Variants in GSE1 observed in about 807,000 individuals in gnomAD.
The protein encoded by GSE1 is genetic suppressor element 1.
GSE1 carries 32 observed loss-of-function variants against 112.6 expected under a neutral mutation model. That is an observed-to-expected ratio of 0.28 (90% confidence interval 0.21 to 0.38). GSE1 has a LOEUF of 0.38. Among genes scored for constraint, GSE1 ranks in the 10% least tolerant of loss-of-function variants. The pLI, the probability that GSE1 is intolerant of heterozygous loss-of-function variation, is 1.00. For missense variants in GSE1, 2,348 were observed against 1,699.2 expected (o/e 1.38, Z -6.71); for synonymous variants, 1,115 against 735.6 (o/e 1.52, Z -8.35).
At chr16:85,415,120 T>A (rs2048673967) in intron 2 of GSE1, among the ~76,000 whole-genome samples, 1 of 152,174 alleles carries the variant, frequency 6.6e-6, no homozygotes, top group South Asian at 2.1e-4. Context: ...TTGTATTTTC[T>A]GTAGAGACAG....
At chr16:85,640,586 G>GC (rs2050359924) in intron 2 of GSE1, among the ~76,000 whole-genome samples, 1 of 152,208 alleles carries the variant, frequency 6.6e-6, no homozygotes, top group Non-Finnish European at 1.5e-5. Flanking sequence ...ACCTGAGTGA[G>GC]TGGGGACTAC....
At chr16:85,299,408 C>T (rs1597330299) in intron 1 of GSE1, among the ~76,000 whole-genome samples, 3 of 152,320 alleles carry the variant, frequency 2.0e-5, no homozygotes, top group African/African-American at 2.4e-5. Context: ...CTCCAACCCC[C>T]CTGCCAGCCT....
intron 2 of GSE1, among the ~76,000 whole-genome samples, chr16:85,543,156 G>A (rs2044580583): frequency 6.7e-6 from 1 of 150,036 alleles, no homozygotes; most frequent in African/African-American, 2.5e-5. Flanking sequence ...AGCTTACAGT[G>A]AGCCGAGATT....
chr16:85,536,543 C>G (rs1205900124), intron 2 of GSE1, among the ~76,000 whole-genome samples: 1 of 152,192 alleles, frequency 6.6e-6, no homozygotes, highest in Admixed American at 6.5e-5. Flanking sequence ...TCACGGATAA[C>G]GGAGGGCTGG....
chr16:85,534,781 C>T (rs899684902), intron 2 of GSE1, among the ~76,000 whole-genome samples: 5 of 152,168 alleles, frequency 3.3e-5, no homozygotes, highest in Admixed American at 2.0e-4. Context: ...AGTCACACAG[C>T]GTTGCTCCCC....
chr16:85,638,870 C>T (rs1195280544), intron 2 of GSE1, among the ~76,000 whole-genome samples: 10 of 152,114 alleles, frequency 6.6e-5, no homozygotes, highest in African/African-American at 1.9e-4. Context: ...GGCTTCCCCC[C>T]GTCAATGGCT....
intron 1 of GSE1, among the ~76,000 whole-genome samples, chr16:85,331,365 G>GTATATATATGTA (rs1169859492): frequency 2.0e-5 from 2 of 101,132 alleles, no homozygotes; most frequent in Admixed American, 1.1e-4. Context: ...GTGTGTGTGT[G>GTATATATATGTA]TATATATGTA....
chr16:85,238,571 G>C (rs1455916495), intron 1 of GSE1, among the ~76,000 whole-genome samples: 1 of 152,288 alleles, frequency 6.6e-6, no homozygotes, highest in East Asian at 1.9e-4. Flanking sequence ...TGCTCGCTCA[G>C]CTCTGCCCCC....
At chr16:85,415,917 C>A (rs986128903) in intron 2 of GSE1, among the ~76,000 whole-genome samples, 1 of 152,196 alleles carries the variant, frequency 6.6e-6, no homozygotes, top group African/African-American at 2.4e-5. Context: ...GTGGCGGACC[C>A]ATCGAAGGCC....
intron 1 of GSE1, among the ~76,000 whole-genome samples, chr16:85,292,328 G>GTT (rs57225210): frequency 0.025 from 3,452 of 140,578 alleles, 133 homozygotes; most frequent in African/African-American, 0.081. Context: ...TTTTGTTTTT[G>GTT]TTTTTTTTTT....
At chr16:85,549,921 A>G (rs2044844022) in intron 2 of GSE1, among the ~76,000 whole-genome samples, 1 of 152,196 alleles carries the variant, frequency 6.6e-6, no homozygotes, top group South Asian at 2.1e-4. Flanking sequence ...GTCGTAAGTA[A>G]GATGACATCG....
intron 2 of GSE1, among the ~76,000 whole-genome samples, chr16:85,499,328 T>G (rs1288131177): frequency 1.3e-5 from 1 of 74,956 alleles, no homozygotes; most frequent in Non-Finnish European, 2.4e-5. Context: ...TTTTTTTTTT[T>G]GAGACAGAGT....
At chr16:85,197,640 T>G (rs953657230) in intron 1 of GSE1, among the ~76,000 whole-genome samples, 1 of 152,150 alleles carries the variant, frequency 6.6e-6, no homozygotes, top group East Asian at 1.9e-4. Flanking sequence ...AGTCAATCCC[T>G]CTCTATGCTA....
At chr16:85,649,045 C>T (rs919003151) in intron 3 of GSE1, among the ~76,000 whole-genome samples, 8 of 152,206 alleles carry the variant, frequency 5.3e-5, no homozygotes, top group African/African-American at 1.2e-4. Flanking sequence ...ATCCGGGGGC[C>T]GGCAGGGCTG....
intron 2 of GSE1, among the ~76,000 whole-genome samples, chr16:85,379,025 G>A (rs1048161661): frequency 1.3e-5 from 2 of 152,108 alleles, no homozygotes; most frequent in South Asian, 2.1e-4. Context: ...GCCACCTATC[G>A]CCTGCACCAT....
At chr16:85,442,446 A>ATGAATGAATGGATGAATGAATGAG (rs2049399788) in intron 2 of GSE1, among the ~76,000 whole-genome samples, 1 of 151,602 alleles carries the variant, frequency 6.6e-6, no homozygotes, top group Non-Finnish European at 1.5e-5. Flanking sequence ...GAATGGATGA[A>ATGAATGAATGGATGAATGAATGAG]TGAATGAATG....
rs971954039 is a variant in GSE1 at position 85,290,381 on chromosome 16, C to T, written c.2284-67082C>T. ...CCTCCCCATGACCTCCAGTGAGCTC[C>T]GTTCCATTGGGTACTGATCCCATCA... On this transcript the variant is annotated intron_variant, in intron 1 of 2. Coordinates refer to the GSE1 transcript ENST00000637419. 8.5e-5 allele frequency among the ~76,000 whole-genome samples: 13 copies of T among 152,318 alleles called. 1 individual carries two copies. In the South Asian group the frequency reaches 1.7e-3, roughly 19 times the overall value.
intron 2 of GSE1, among the ~76,000 whole-genome samples, chr16:85,466,653 CAG>C (rs1182435062): frequency 6.7e-6 from 1 of 150,276 alleles, no homozygotes; most frequent in African/African-American, 2.5e-5. Flanking sequence ...GGAAAGCGTG[CAG>C]AGTTTCCAGG....
At chr16:85,344,158 C>T (rs1459048442) in intron 1 of GSE1, among the ~76,000 whole-genome samples, 2 of 152,170 alleles carry the variant, frequency 1.3e-5, no homozygotes, top group African/African-American at 4.8e-5. Context: ...GGATGTGGCA[C>T]TAATGGACAT....
Sources: gnomAD v4.1 joint callset for allele counts (sites outside exome capture counted in the v4.1 genomes callset) on GRCh38, gnomAD v4.1.1 for gene constraint, MANE v1.5 for transcripts, NCBI Gene and HGNC (gene_info 2026-07-23, HGNC 2026-07-21) for gene names.